PCCA: variants seen among roughly 807,000 people sequenced by gnomAD.
PCCA encodes propionyl-CoA carboxylase subunit alpha, also known as propionyl-CoA carboxylase alpha chain, mitochondrial.
In PCCA, 74 loss-of-function variants were observed where a neutral mutation model predicts 101.3. That is an observed-to-expected ratio of 0.73 (90% CI 0.61 to 0.89). The LOEUF is 0.89. Among genes scored for constraint, PCCA ranks in the 40% least tolerant of loss-of-function variants. The pLI, the probability that PCCA is intolerant of heterozygous loss-of-function variation, is 0.00. For missense variants in PCCA, 891 were observed against 907.0 expected (o/e 0.98, Z 0.23); for synonymous variants, 294 against 313.6 (o/e 0.94, Z 0.66).
chr13:100,460,686 A>G (rs971819961), intron 21 of PCCA, among the ~76,000 whole-genome samples: 2 of 152,238 alleles, frequency 1.3e-5, no homozygotes, highest in African/African-American at 4.8e-5. Flanking sequence ...TAGAATAAAC[A>G]TGTTTTACAA....
chr13:100,333,278 G>A (rs2069922785), intron 17 of PCCA, among the ~76,000 whole-genome samples: 1 of 152,178 alleles, frequency 6.6e-6, no homozygotes, highest in African/African-American at 2.4e-5. Flanking sequence ...TGAAGGAAGT[G>A]GTAACTACAG....
intron 7 of PCCA, among the ~76,000 whole-genome samples, chr13:100,233,589 T>C (rs779165773): frequency 7.9e-5 from 12 of 152,222 alleles, no homozygotes; most frequent in Non-Finnish European, 1.8e-4. Flanking sequence ...TAAAACTTCA[T>C]GTTCTCAAAG....
intron 8 of PCCA, among the ~76,000 whole-genome samples, chr13:100,256,953 G>A (rs1336293459): frequency 1.3e-5 from 2 of 152,174 alleles, no homozygotes; most frequent in South Asian, 2.1e-4. Context: ...TTAGCTGGAA[G>A]TGTGCTTTGT....
At chr13:100,099,143 A>T (rs2047035460) in intron 1 of PCCA, among the ~76,000 whole-genome samples, 1 of 151,984 alleles carries the variant, frequency 6.6e-6, no homozygotes, top group Non-Finnish European at 1.5e-5. Flanking sequence ...TCTCATAATG[A>T]GTTATTTAGT....
chr13:100,428,062 A>ATT (rs879715535), intron 20 of PCCA, among the ~76,000 whole-genome samples: 16 of 146,424 alleles, frequency 1.1e-4, no homozygotes, highest in African/African-American at 3.2e-4. Flanking sequence ...TAAAGCCATG[A>ATT]TTTTTTTTTT....
chr13:100,278,697 C>G (rs1425610515), intron 12 of PCCA, among the ~76,000 whole-genome samples: 1 of 152,152 alleles, frequency 6.6e-6, no homozygotes, highest in African/African-American at 2.4e-5. Flanking sequence ...CCAGGATGGT[C>G]TCAGTTTCTT....
At chr13:100,525,047 AAGAT>A (rs1393558381) in intron 22 of PCCA, among the ~76,000 whole-genome samples, 3 of 152,180 alleles carry the variant, frequency 2.0e-5, no homozygotes, top group Admixed American at 1.3e-4. Context: ...ACAGGCAGAT[AAGAT>A]AGATAGGATA....
chr13:100,370,013 T>TTAAG (rs1484285900), intron 19 of PCCA, among the ~76,000 whole-genome samples: 1 of 151,128 alleles, frequency 6.6e-6, no homozygotes, highest in East Asian at 1.9e-4. Context: ...CAATGTTCTT[T>TTAAG]TAAGTAGTGC....
At chr13:100,125,135 T>TTTTGTGTG in intron 4 of PCCA, among the ~76,000 whole-genome samples, 2 of 149,228 alleles carry the variant, frequency 1.3e-5, no homozygotes, top group East Asian at 4.0e-4. Flanking sequence ...GACCTTTTAT[T>TTTTGTGTG]TGTGTGTGTG....
intron 18 of PCCA, among the ~76,000 whole-genome samples, chr13:100,360,199 A>T (rs1169423386): frequency 6.6e-6 from 1 of 151,358 alleles, no homozygotes; most frequent in African/African-American, 2.4e-5. Context: ...TAACCATCAG[A>T]TCTCGTGAGA....
chr13:100,286,563 A>G (rs1321186901), intron 12 of PCCA, among the ~76,000 whole-genome samples: 1 of 152,222 alleles, frequency 6.6e-6, no homozygotes, highest in East Asian at 1.9e-4. Context: ...AATTGAACAT[A>G]TTGACATATT....
intron 6 of PCCA, among the ~76,000 whole-genome samples, chr13:100,173,407 A>G (rs1190522383): frequency 6.6e-6 from 1 of 152,198 alleles, no homozygotes; most frequent in Non-Finnish European, 1.5e-5. Context: ...AACAGCAACC[A>G]GGGATGACGA....
At chr13:100,424,790 T>C (rs1001553817) in intron 19 of PCCA, among the ~76,000 whole-genome samples, 1 of 152,146 alleles carries the variant, frequency 6.6e-6, no homozygotes, top group East Asian at 1.9e-4. Flanking sequence ...GGATCATATA[T>C]CATAGTTCTG....
intron 9 of PCCA, among the ~76,000 whole-genome samples, chr13:100,261,222 A>G (rs559879810): frequency 6.6e-6 from 1 of 152,334 alleles, no homozygotes; most frequent in Non-Finnish European, 1.5e-5. Context: ...TGTACATTAA[A>G]TACAGGTATT....
At chr13:100,501,828 C>T (rs1482991803) in intron 21 of PCCA, among the ~76,000 whole-genome samples, 3 of 152,020 alleles carry the variant, frequency 2.0e-5, no homozygotes, top group Non-Finnish European at 4.4e-5. Flanking sequence ...GAGCTGAGAT[C>T]GTGCCGCTGC....
At chr13:100,444,166 A>G (rs1566318756) in intron 20 of PCCA, among the ~76,000 whole-genome samples, 1 of 150,444 alleles carries the variant, frequency 6.6e-6, no homozygotes, top group Non-Finnish European at 1.5e-5. Flanking sequence ...CCATCCCTTA[A>G]TCTGAAATTT....
chr13:100,437,519 T>G (rs1015214278), intron 20 of PCCA, among the ~76,000 whole-genome samples: 5 of 147,374 alleles, frequency 3.4e-5, no homozygotes, highest in Admixed American at 2.8e-4. Flanking sequence ...AATAACTATT[T>G]TATATTTATT....
At chr13:100,227,589 T>C (rs2060216028) in intron 7 of PCCA, among the ~76,000 whole-genome samples, 1 of 152,192 alleles carries the variant, frequency 6.6e-6, no homozygotes, top group African/African-American at 2.4e-5. Flanking sequence ...TTGGTTTCTT[T>C]CCCTTTTCTC....
intron 22 of PCCA, among the ~76,000 whole-genome samples, chr13:100,525,898 G>A (rs2087764459): frequency 6.6e-6 from 1 of 152,248 alleles, no homozygotes; most frequent in Non-Finnish European, 1.5e-5. Context: ...GAGCGGGAGA[G>A]TGGATTCCTC....
Sources: allele counts gnomAD v4.1 joint callset (sites outside exome capture counted in the v4.1 genomes callset), GRCh38; gene constraint gnomAD v4.1.1; transcripts MANE v1.5; gene names NCBI Gene and HGNC (gene_info 2026-07-23, HGNC 2026-07-21).